The following PTAR1 variants were observed in gnomAD, a reference collection of about 807,000 sequenced individuals.
PTAR1 encodes protein prenyltransferase alpha subunit repeat containing 1.
In PTAR1, 17 loss-of-function variants were observed where a neutral mutation model predicts 45.5. The ratio of observed to expected loss-of-function variants is 0.37; its 90% CI spans 0.26 to 0.56. PTAR1 has a LOEUF of 0.56. PTAR1 is among the 20% of genes least tolerant of loss of function. The pLI is 0.77. For synonymous variants in PTAR1, 169 were observed against 171.3 expected, an observed-to-expected ratio of 0.99 and a Z score of 0.11; for missense variants, 391 against 476.3, an observed-to-expected ratio of 0.82 and a Z score of 1.67.
chr9:69,739,327 T>G (rs867800231), intron 3 of PTAR1, among the ~76,000 whole-genome samples: 4 of 151,688 alleles, frequency 2.6e-5, no homozygotes, highest in Non-Finnish European at 4.4e-5. Context: ...GTACATAGAC[T>G]GATGAAGAAA....
intron 6 of PTAR1, 109 bp from the exon 7 acceptor site, chr9:69,718,793 C>T (rs1824842979): frequency 4.1e-6 from 3 of 729,728 alleles, no homozygotes; most frequent in Non-Finnish European, 6.5e-6. Flanking sequence ...CAATTCACTG[C>T]CCATTTCATA....
At chr9:69,725,772 C>T (rs1015062936) in intron 5 of PTAR1, among the ~76,000 whole-genome samples, 22 of 151,672 alleles carry the variant, frequency 1.5e-4, no homozygotes, top group African/African-American at 5.3e-4. Context: ...AAGATAGAGG[C>T]AATGATTTTT....
chr9:69,749,712 TGCTGACAGA>T (rs1242739470), intron 2 of PTAR1, among the ~76,000 whole-genome samples: 1 of 152,072 alleles, frequency 6.6e-6, no homozygotes, highest in Non-Finnish European at 1.5e-5. Context: ...TTACAGATAG[TGCTGACAGA>T]AATTCAAGGA....
At chr9:69,746,065 T>C (rs1564143794) in intron 2 of PTAR1, among the ~76,000 whole-genome samples, 1 of 152,162 alleles carries the variant, frequency 6.6e-6, no homozygotes, top group Non-Finnish European at 1.5e-5. Context: ...GCCCTTCTCT[T>C]CTCCTCTTTC....
intron 1 of PTAR1, among the ~76,000 whole-genome samples, chr9:69,753,067 G>GTCAACAA (rs1564148590): frequency 6.6e-6 from 1 of 152,030 alleles, no homozygotes. Flanking sequence ...AACTGCAAGA[G>GTCAACAA]TCAACAATAT....
At chr9:69,746,303 G>A (rs1299307292) in intron 2 of PTAR1, among the ~76,000 whole-genome samples, 6 of 152,180 alleles carry the variant, frequency 3.9e-5, no homozygotes, top group Admixed American at 2.6e-4. Flanking sequence ...GTGGAAATAG[G>A]AAGAAAGAGG....
intron 6 of PTAR1, 28 bp from the exon 7 acceptor site, chr9:69,718,712 T>G: frequency 2.7e-6 from 4 of 1,464,256 alleles, no homozygotes; most frequent in Non-Finnish European, 3.7e-6. Context: ...AGGAAGAGAA[T>G]AAAGAAAATC....
chr9:69,746,928 G>A (rs1826299773), intron 2 of PTAR1, among the ~76,000 whole-genome samples: 1 of 152,156 alleles, frequency 6.6e-6, no homozygotes, highest in Non-Finnish European at 1.5e-5. Flanking sequence ...ATAAATTCAA[G>A]GCCAACTTAA....
chr9:69,722,646 A>G (rs1293566999), intron 6 of PTAR1, among the ~76,000 whole-genome samples: 5 of 151,372 alleles, frequency 3.3e-5, no homozygotes, highest in East Asian at 1.9e-4. Flanking sequence ...TAGGGGGGAA[A>G]AAAAAAAAAG....
rs1825749592 is a variant in PTAR1 at position 69,735,550 on chromosome 9, A to G, written c.324-1296T>C. On this transcript the variant is annotated intron_variant, in intron 3 of 7. Coordinates refer to ENST00000340434, the MANE Select transcript of PTAR1 (RefSeq NM_001099666.2). ...TACAGATACAGAGGGCCAACTATAT[A>G]AAGAATGTCATGCAAGAGCTTTCTA... Among the ~76,000 whole-genome samples, 6 of 152,294 alleles carry G rather than the reference A, an allele frequency of 3.9e-5. No individual in the cohort carries two copies. The South Asian group carries it at 1.0e-3, about 26-fold the overall frequency.
chr9:69,757,418 C>CT (rs1826835822), intron 1 of PTAR1: 1 of 152,118 alleles, frequency 6.6e-6, no homozygotes, highest in South Asian at 2.1e-4. Flanking sequence ...CAGGGAAGGT[C>CT]TAATATTTAT....
chr9:69,735,569 C>T (rs1179859189), intron 3 of PTAR1, among the ~76,000 whole-genome samples: 1 of 152,118 alleles, frequency 6.6e-6, no homozygotes, highest in Non-Finnish European at 1.5e-5. Context: ...CATGCAAGAG[C>T]TTTCTATACC....
Position 69,740,412 on chromosome 9 carries a change from G to A in PTAR1, c.323+1380C>T, listed in dbSNP as rs561035413. 4.7e-5 allele frequency among the ~76,000 whole-genome samples: 7 copies of A among 150,484 alleles called. No homozygotes were observed. In the East Asian group the frequency reaches 9.7e-4, roughly 21 times the overall value. On this transcript the variant is annotated intron_variant, in intron 3 of 7. Transcript: ENST00000340434. ...TGTGTATACACATATGTATACAGGTGTGTGTGTGTGTGTGTATGTACCTAT... is the reference window on the plus strand; with the variant it reads ...TGTGTATACACATATGTATACAGGTATGTGTGTGTGTGTGTATGTACCTAT...
rs1239353818 is a variant in PTAR1, at chr9:69,759,882, G to A, written c.57C>T (p.Ile19=). The A allele has an allele frequency of 6.5e-7, 1 of 1,531,704 alleles. No homozygotes were observed. Among genetic ancestry groups the A allele is most frequent in the Non-Finnish European group, 8.8e-7 (1 of 1,139,430 alleles). 94.9% of individuals were successfully genotyped at this position (1,531,704 alleles called of 1,614,324 possible). Residue 19 remains isoleucine (I), a synonymous_variant, in exon 1 of 8, where the codon ATC becomes ATT. Coordinates refer to ENST00000340434, the MANE Select transcript of PTAR1 (RefSeq NM_001099666.2). ...GTGGGTTCCTCCTGAAGGCGTTAGT[G>A]ATGTCCTTCACAACCCGCTGCACCA... ...AVLVQRVVKD[I]TNAFRRNPHI...
chr9:69,745,753 G>A (rs546047250), intron 2 of PTAR1, among the ~76,000 whole-genome samples: 1 of 152,122 alleles, frequency 6.6e-6, no homozygotes, highest in Admixed American at 6.6e-5. Flanking sequence ...TGTCCTTCTC[G>A]TATGTAAGAT....
At chr9:69,730,587 A>C (rs1455282933) in intron 5 of PTAR1, among the ~76,000 whole-genome samples, 1 of 148,436 alleles carries the variant, frequency 6.7e-6, no homozygotes, top group Non-Finnish European at 1.5e-5. Flanking sequence ...TCCCAACTCA[A>C]TGTATCTTCC....
At chr9:69,753,132 TG>T (rs1321894756) in intron 1 of PTAR1, among the ~76,000 whole-genome samples, 1 of 125,334 alleles carries the variant, frequency 8.0e-6, no homozygotes. Context: ...GGTTTGTTTT[TG>T]GGGGGGATTT....
chr9:69,754,687 A>G (rs1826687450), intron 1 of PTAR1, among the ~76,000 whole-genome samples: 1 of 148,670 alleles, frequency 6.7e-6, no homozygotes, highest in African/African-American at 2.5e-5. Flanking sequence ...GACTACAGGT[A>G]TGCACCACCA....
intron 6 of PTAR1, among the ~76,000 whole-genome samples, chr9:69,723,054 A>G (rs1825097986): frequency 6.6e-6 from 1 of 152,092 alleles, no homozygotes; most frequent in African/African-American, 2.4e-5. Flanking sequence ...TTTGGAACTA[A>G]CACAGGTTAT....
Sources: gnomAD v4.1 joint callset for allele counts (sites outside exome capture counted in the v4.1 genomes callset) on GRCh38, gnomAD v4.1.1 for gene constraint, MANE v1.5 for transcripts, NCBI Gene and HGNC (gene_info 2026-07-23, HGNC 2026-07-21) for gene names.